ZMAT4: variants seen among roughly 807,000 people sequenced by gnomAD.
ZMAT4 encodes zinc finger matrin-type protein 4.
A neutral mutation model predicts 28.7 loss-of-function variants in ZMAT4; 17 were observed. The ratio of observed to expected loss-of-function variants is 0.59; its 90% CI spans 0.41 to 0.89. The LOEUF (loss-of-function observed/expected upper bound fraction) is 0.89. Among genes scored for constraint, ZMAT4 ranks in the 40% least tolerant of loss-of-function variants. The pLI is 0.00. For missense variants in ZMAT4, 240 were observed against 283.8 expected, an observed-to-expected ratio of 0.85 and a Z score of 1.11; for synonymous variants, 117 against 109.2, an observed-to-expected ratio of 1.07 and a Z score of -0.44.
chr8:40,833,941 C>T (rs1275636956), intron 1 of ZMAT4, among the ~76,000 whole-genome samples: 1 of 152,204 alleles, frequency 6.6e-6, no homozygotes, highest in East Asian at 1.9e-4. Flanking sequence ...CCAGCCTGAG[C>T]TTTGTTTAAA....
chr8:40,757,592 AAAAAAAG>A (rs1230343733), intron 3 of ZMAT4, among the ~76,000 whole-genome samples: 1 of 152,100 alleles, frequency 6.6e-6, no homozygotes, highest in African/African-American at 2.4e-5. Flanking sequence ...TCTCAAAAAA[AAAAAAAG>A]AAAAAAGAAA....
intron 3 of ZMAT4, among the ~76,000 whole-genome samples, chr8:40,760,708 C>CTCTG (rs1442346780): frequency 4.1e-5 from 6 of 147,814 alleles, no homozygotes; most frequent in Non-Finnish European, 4.5e-5. Flanking sequence ...CTGTCACAGT[C>CTCTG]TCTCTCTCTC....
intron 6 of ZMAT4, among the ~76,000 whole-genome samples, chr8:40,533,337 G>A (rs1027084543): frequency 4.6e-5 from 7 of 152,152 alleles, no homozygotes; most frequent in African/African-American, 9.7e-5. Context: ...ATCTTCTGCC[G>A]GGGATTTCTC....
At chr8:40,661,770 C>A (rs1288300321) in intron 5 of ZMAT4, among the ~76,000 whole-genome samples, 1 of 152,150 alleles carries the variant, frequency 6.6e-6, no homozygotes, top group Non-Finnish European at 1.5e-5. Flanking sequence ...CTTCCTAGAA[C>A]CTTATGAAAC....
chr8:40,754,970 C>T (rs1184955881), intron 3 of ZMAT4, among the ~76,000 whole-genome samples: 1 of 152,034 alleles, frequency 6.6e-6, no homozygotes, highest in Non-Finnish European at 1.5e-5. Context: ...TATGCTATTG[C>T]ATTCCATCCA....
intron 5 of ZMAT4, among the ~76,000 whole-genome samples, chr8:40,616,586 G>A (rs187438957): frequency 6.6e-6 from 1 of 152,222 alleles, no homozygotes; most frequent in African/African-American, 2.4e-5. Context: ...GTCCTTTGGA[G>A]GGACATGGAT....
At chr8:40,841,901 G>A (rs779982983) in intron 1 of ZMAT4, among the ~76,000 whole-genome samples, 4 of 152,144 alleles carry the variant, frequency 2.6e-5, no homozygotes, top group South Asian at 4.1e-4. Flanking sequence ...TGCAGGATGC[G>A]CTTCTGCACT....
intron 5 of ZMAT4, among the ~76,000 whole-genome samples, chr8:40,651,153 G>A (rs1417493043): frequency 3.3e-5 from 5 of 152,042 alleles, no homozygotes; most frequent in South Asian, 2.1e-4. Flanking sequence ...GTTTGCAGAC[G>A]ACATGATTGT....
chr8:40,790,102 T>C (rs1171845512), intron 2 of ZMAT4, among the ~76,000 whole-genome samples: 1 of 152,212 alleles, frequency 6.6e-6, no homozygotes, highest in African/African-American at 2.4e-5. Flanking sequence ...TTTGAGTCTC[T>C]GTTAAACACA....
intron 5 of ZMAT4, among the ~76,000 whole-genome samples, chr8:40,593,593 C>T (rs531522964): frequency 6.6e-6 from 1 of 152,336 alleles, no homozygotes; most frequent in East Asian, 1.9e-4. Context: ...AATGTGTCTT[C>T]ACCAACCTCC....
At chr8:40,534,095 C>T (rs1439734855) in intron 6 of ZMAT4, among the ~76,000 whole-genome samples, 2 of 151,322 alleles carry the variant, frequency 1.3e-5, no homozygotes, top group Non-Finnish European at 2.9e-5. Context: ...TTTTTTTAAA[C>T]TTATAGTAAA....
At chr8:40,759,715 A>G (rs749828268) in intron 3 of ZMAT4, among the ~76,000 whole-genome samples, 7 of 152,136 alleles carry the variant, frequency 4.6e-5, no homozygotes, top group Non-Finnish European at 8.8e-5. Flanking sequence ...CCACATGACA[A>G]TGTTGAACTT....
intron 3 of ZMAT4, among the ~76,000 whole-genome samples, chr8:40,740,150 G>T (rs899876058): frequency 2.6e-5 from 4 of 152,080 alleles, no homozygotes; most frequent in African/African-American, 9.7e-5. Flanking sequence ...AATCCTTTGG[G>T]TATACACCCA....
At chr8:40,692,650 A>G (rs1809710114) in intron 4 of ZMAT4, among the ~76,000 whole-genome samples, 1 of 152,198 alleles carries the variant, frequency 6.6e-6, no homozygotes, top group Non-Finnish European at 1.5e-5. Context: ...ACAGACACAG[A>G]TGAATGTTCT....
rs1220017390 is a variant in ZMAT4, at chr8:40,868,183, A to C, written c.-5+29500T>G. Among the ~76,000 whole-genome samples the C allele has an allele frequency of 2.6e-5, 4 of 152,272 alleles. No individual in the cohort carries two copies. The Middle Eastern group carries it at 0.01, about 388-fold the overall frequency. ...CTGGTTTGCAAGTGTATTTACATGG[A>C]AAAAAAGCCATTTAGGTTTCCATTT... On this transcript the variant is annotated intron_variant, in intron 1 of 6. Coordinates refer to ENST00000297737, the MANE Select transcript of ZMAT4 (RefSeq NM_024645.3).
chr8:40,750,536 T>C (rs1402982200), intron 3 of ZMAT4, among the ~76,000 whole-genome samples: 1 of 152,102 alleles, frequency 6.6e-6, no homozygotes, highest in African/African-American at 2.4e-5. Context: ...AGGAAAGGAA[T>C]TTTATTAAAA....
At chr8:40,578,942 A>G (rs914500369) in intron 6 of ZMAT4, among the ~76,000 whole-genome samples, 4 of 152,238 alleles carry the variant, frequency 2.6e-5, no homozygotes, top group East Asian at 3.9e-4. Context: ...AAGTGGAGAC[A>G]TAAGTCAGAC....
chr8:40,587,018 G>A (rs931512485), intron 5 of ZMAT4, among the ~76,000 whole-genome samples: 1 of 151,786 alleles, frequency 6.6e-6, no homozygotes, highest in Admixed American at 6.6e-5. Flanking sequence ...GACGTGAAGA[G>A]GAGGGTAAAG....
At chr8:40,656,814 A>T (rs940508568) in intron 5 of ZMAT4, among the ~76,000 whole-genome samples, 1 of 152,174 alleles carries the variant, frequency 6.6e-6, no homozygotes, top group African/African-American at 2.4e-5. Context: ...ATTTACATTT[A>T]TATAAAATGT....
Sources: allele counts gnomAD v4.1 joint callset (sites outside exome capture counted in the v4.1 genomes callset), GRCh38; gene constraint gnomAD v4.1.1; transcripts MANE v1.5; gene names NCBI Gene and HGNC (gene_info 2026-07-23, HGNC 2026-07-21).